The following PCDHGB1 variants were observed in gnomAD, a reference collection of about 807,000 sequenced individuals.
PCDHGB1 encodes protocadherin gamma-B1.
In PCDHGB1, 34 loss-of-function variants were observed where a neutral mutation model predicts 56.6. The ratio of observed to expected loss-of-function variants is 0.60; its 90% CI spans 0.46 to 0.80. The LOEUF (loss-of-function observed/expected upper bound fraction) is 0.80, where lower values mean the gene tolerates loss of function less well. Among genes scored for constraint, PCDHGB1 ranks in the 30% least tolerant of loss-of-function variants. The pLI, the probability that PCDHGB1 is intolerant of heterozygous loss-of-function variation, is 0.00. For missense variants in PCDHGB1, 1,278 were observed against 1,204.6 expected (o/e 1.06, Z -0.90); for synonymous variants, 561 against 505.9 (o/e 1.11, Z -1.46).
At position 141,383,914 on chromosome 5, in the gene PCDHGB1, G is replaced by T. The variant is rs1167823249; in HGVS notation, c.2409+31245G>T. ...GGCAAAAGTACTGATCACAGTTTTA[G>T]ATGTAAATGATAATGCTCCAGAAGT... On this transcript the variant is annotated intron_variant, in intron 1 of 3. Transcript: ENST00000523390. The T allele has an allele frequency of 6.2e-7, 1 of 1,613,958 alleles. No individual in the cohort carries two copies. Among genetic ancestry groups the T allele is most frequent in the Admixed American group, 1.7e-5 (1 of 60,022 alleles).
In PCDHGB1 at chr5:141,408,711, A is replaced by T. The variant is rs763392682; in HGVS notation, c.2409+56042A>T. The T allele has an allele frequency of 9.3e-6, 15 of 1,612,568 alleles. No homozygotes were observed. In the East Asian group the frequency reaches 3.3e-4, roughly 36 times the overall value. On this transcript the variant is annotated intron_variant, in intron 1 of 3. Transcript: ENST00000523390. The stretch of plus-strand genomic sequence containing the variant: ...ATAAACATAAACTCAATTAAAGATT[A>T]TAAGATAAACTCTAATCCTTATTTT...
At chr5:141,374,566 T>A in intron 1 of PCDHGB1, 1 of 1,613,700 alleles carries the variant, frequency 6.2e-7, no homozygotes, top group Non-Finnish European at 8.5e-7. Context: ...ATGACCCTGA[T>A]GTGGGAATGA....
In PCDHGB1 at chr5:141,489,537, C is replaced by T. The variant is rs2099688580; in HGVS notation, c.2410-5270C>T. 6.2e-6 allele frequency: 10 copies of T among 1,614,118 alleles called. No homozygotes were observed. Among genetic ancestry groups the T allele is most frequent in the Non-Finnish European group, 8.5e-6 (10 of 1,180,028 alleles). ...ACCGAGAAAGCCTATGTGGAGCCAG[C>T]ACCAGCTGCCTGCTGCCAGTGCAGG... On this transcript the variant is annotated intron_variant, in intron 1 of 3. Transcript: ENST00000523390. This position sits in a 1 kb window ranked among gnomAD's most constrained non-coding sequence, Gnocchi z 4.5.
intron 1 of PCDHGB1, chr5:141,370,906 A>C (rs918888643): frequency 9.3e-6 from 15 of 1,613,840 alleles, no homozygotes; most frequent in Non-Finnish European, 1.3e-5. Context: ...CAGCAGTACT[A>C]CCTCAGCCCT....
At position 141,511,036 on chromosome 5, in the gene PCDHGB1, G is replaced by A. The variant is rs116366286; in HGVS notation, c.2647G>A (p.Val883Met). ...CGGACCCCAGTTCACCCTGCAGCAC[G>A]TGCCCGACTACCGCCAGAATGTCTA... is the stretch of plus-strand genomic sequence containing the variant. ...RYGPQFTLQH[V>M]PDYRQNVYIP... is the part of the protein sequence containing the mutation. Residue 883 changes from valine to methionine, a missense_variant, in exon 4 of 4, where the codon GTG becomes ATG. Physicochemically the swap from Val to Met is conservative, Grantham distance 21. Transcript: ENST00000523390. 5.5e-5 allele frequency: 89 copies of A among 1,614,198 alleles called. No individual in the cohort carries two copies. The highest frequency in any genetic ancestry group is 1.6e-4 in the Middle Eastern group (1 of 6,062).
At position 141,360,833 on chromosome 5, in the gene PCDHGB1, C is replaced by T. The variant is rs760468418; in HGVS notation, c.2409+8164C>T. 6 of 1,613,964 alleles carry T rather than the reference C, an allele frequency of 3.7e-6. No homozygotes were observed. In the South Asian group the frequency reaches 5.5e-5, roughly 15 times the overall value. On this transcript the variant is annotated intron_variant, in intron 1 of 3. Coordinates refer to ENST00000523390, the MANE Select transcript of PCDHGB1 (RefSeq NM_018922.3). ...ACGACCCAAATCCGAATCAAAGTCA[C>T]GGATGCCAACGATAACCCTCCAGTG... is the stretch of plus-strand genomic sequence containing the variant.
chr5:141,472,316 C>T (rs1456055286), intron 1 of PCDHGB1, among the ~76,000 whole-genome samples: 6 of 151,940 alleles, frequency 3.9e-5, no homozygotes, highest in Non-Finnish European at 8.8e-5. Context: ...CCGAGGCAGG[C>T]AGATCACGAG....
At chr5:141,408,815 C>T (rs770899981) in intron 1 of PCDHGB1, 1 of 1,613,406 alleles carries the variant, frequency 6.2e-7, no homozygotes, top group Non-Finnish European at 8.5e-7. Flanking sequence ...CCGGGAAGAA[C>T]AGAGATCTCA....
At chr5:141,367,089 CT>C in intron 1 of PCDHGB1, 1 of 258,634 alleles carries the variant, frequency 3.9e-6, no homozygotes, top group East Asian at 1.0e-4. Context: ...ATATTGTTCT[CT>C]TTTGAGTGTC....
chr5:141,352,441 C>A lies in PCDHGB1; in HGVS notation c.2181C>A (p.Leu727=). 1 of 1,614,054 alleles carries A rather than the reference C, an allele frequency of 6.2e-7. No individual in the cohort carries two copies. The highest frequency in any genetic ancestry group is 1.1e-5 in the South Asian group (1 of 91,088). ...LDTEGCFQTG[L]CSKSGPGVPP... ...CTGAGGGCTGCTTTCAAACCGGTCT[C>A]TGCTCCAAGTCTGGGCCCGGGGTTC... The change falls in exon 1 of 4, where the codon CTC becomes CTA. Residue 727 remains leucine, a synonymous_variant. Coordinates refer to ENST00000523390, the MANE Select transcript of PCDHGB1 (RefSeq NM_018922.3).
chr5:141,375,239 A>G, intron 1 of PCDHGB1: 2 of 1,613,974 alleles, frequency 1.2e-6, no homozygotes, highest in Admixed American at 1.7e-5. Context: ...AACCTGTTCC[A>G]TCCCGAGAAG....
chr5:141,409,033 A>T, intron 1 of PCDHGB1: 1 of 1,614,028 alleles, frequency 6.2e-7, no homozygotes, highest in Non-Finnish European at 8.5e-7. Context: ...ATGCTGAGAT[A>T]AACTACTACT....
intron 1 of PCDHGB1, among the ~76,000 whole-genome samples, chr5:141,402,117 A>G (rs1344939045): frequency 6.6e-6 from 1 of 152,172 alleles, no homozygotes; most frequent in Non-Finnish European, 1.5e-5. Context: ...AAATGTGAAA[A>G]TTTCCAACTT....
At chr5:141,399,758 T>G in intron 1 of PCDHGB1, 1 of 1,613,334 alleles carries the variant, frequency 6.2e-7, no homozygotes, top group Non-Finnish European at 8.5e-7. Context: ...AACGTGAGCC[T>G]GCGCGTGTTG....
At chr5:141,460,908 T>C (rs550367008) in intron 1 of PCDHGB1, among the ~76,000 whole-genome samples, 2,136 of 133,318 alleles carry the variant, frequency 0.016, 43 homozygotes, top group African/African-American at 0.062. Flanking sequence ...TAATATTCCA[T>C]GGTGTATATA....
At chr5:141,467,747 C>T (rs56743829) in intron 1 of PCDHGB1, among the ~76,000 whole-genome samples, 7,097 of 152,110 alleles carry the variant, frequency 0.047, 213 homozygotes, top group Middle Eastern at 0.092. Context: ...CTGCAACCTC[C>T]GCCTCACATG....
intron 1 of PCDHGB1, chr5:141,388,782 A>C (rs1589071559): frequency 6.2e-7 from 1 of 1,613,784 alleles, no homozygotes; most frequent in South Asian, 1.1e-5. Flanking sequence ...CGGGGAAATT[A>C]CTGTTTTAAA....
At chr5:141,401,667 C>T (rs539975682) in intron 1 of PCDHGB1, among the ~76,000 whole-genome samples, 1 of 152,340 alleles carries the variant, frequency 6.6e-6, no homozygotes, top group South Asian at 2.1e-4. Context: ...GTTTTCTCAA[C>T]ATCCTTGTAG....
intron 1 of PCDHGB1, chr5:141,418,093 C>T: frequency 6.2e-7 from 1 of 1,614,032 alleles, no homozygotes; most frequent in East Asian, 2.2e-5. Flanking sequence ...TCAGCGTAGA[C>T]GCGCAGAGCG....
Sources: allele counts gnomAD v4.1 joint callset (sites outside exome capture counted in the v4.1 genomes callset), GRCh38; gene constraint gnomAD v4.1.1; non-coding constraint Gnocchi (gnomAD v3.1); transcripts MANE v1.5; gene names NCBI Gene and HGNC (gene_info 2026-07-23, HGNC 2026-07-21).